The following CSMD2 variants were observed in gnomAD, a reference collection of about 807,000 sequenced individuals.
CSMD2 encodes CUB and Sushi multiple domains 2.
In CSMD2, 130 loss-of-function variants were observed where a neutral mutation model predicts 398.5. The observed-to-expected ratio is 0.33, with a 90% CI of 0.28 to 0.38. The LOEUF is 0.38. Among genes scored for constraint, CSMD2 ranks in the 10% least tolerant of loss-of-function variants. The pLI is 1.00. For synonymous variants in CSMD2, 1,828 were observed against 1,908.5 expected, an observed-to-expected ratio of 0.96 and a Z score of 1.10; for missense variants, 3,829 against 4,764.9, an observed-to-expected ratio of 0.80 and a Z score of 5.78.
intron 10 of CSMD2, among the ~76,000 whole-genome samples, chr1:33,810,498 G>A (rs1275942642): frequency 2.0e-5 from 3 of 152,014 alleles, no homozygotes; most frequent in Non-Finnish European, 4.4e-5. Flanking sequence ...CTAAGGTAAC[G>A]ATTTTCTTTT....
intron 7 of CSMD2, among the ~76,000 whole-genome samples, chr1:33,824,847 G>A (rs1055697082): frequency 2.0e-5 from 3 of 151,858 alleles, no homozygotes; most frequent in Non-Finnish European, 4.4e-5. Context: ...GGAAGGAGAA[G>A]GAAAACCAGG....
intron 25 of CSMD2, among the ~76,000 whole-genome samples, chr1:33,675,513 G>A (rs373724103): frequency 5.9e-5 from 9 of 152,240 alleles, no homozygotes; most frequent in South Asian, 4.2e-4. Context: ...ATTCACAGCC[G>A]AATTCTACCA....
chr1:34,040,190 CAA>C (rs61528553), intron 2 of CSMD2, among the ~76,000 whole-genome samples: 1 of 122,296 alleles, frequency 8.2e-6, no homozygotes, highest in Non-Finnish European at 1.7e-5. Context: ...GATCCTGACT[CAA>C]AAAAAAAATT....
intron 15 of CSMD2, among the ~76,000 whole-genome samples, chr1:33,734,640 C>A (rs1377525676): frequency 1.3e-5 from 2 of 151,904 alleles, no homozygotes; most frequent in Non-Finnish European, 2.9e-5. Context: ...CAAAAATTAG[C>A]CAGGCATGGT....
chr1:33,925,611 T>C (rs998666134), intron 4 of CSMD2, among the ~76,000 whole-genome samples: 12 of 152,200 alleles, frequency 7.9e-5, no homozygotes, highest in African/African-American at 2.7e-4. Context: ...ACAGATTACA[T>C]TGAATCTGTA....
intron 2 of CSMD2, among the ~76,000 whole-genome samples, chr1:34,087,659 A>AATAAG (rs1558363280): frequency 3.0e-5 from 4 of 134,318 alleles, no homozygotes; most frequent in African/African-American, 1.1e-4. Context: ...ATAATAATAA[A>AATAAG]GCCAGCACTC....
chr1:33,751,695 C>T (rs543216793), intron 13 of CSMD2, among the ~76,000 whole-genome samples: 5 of 152,282 alleles, frequency 3.3e-5, no homozygotes, highest in Middle Eastern at 3.4e-3. Flanking sequence ...AATCTTGGCT[C>T]ACCGTAACCT....
At chr1:33,534,649 C>T (rs1159589546) in intron 62 of CSMD2, among the ~76,000 whole-genome samples, 1 of 152,224 alleles carries the variant, frequency 6.6e-6, no homozygotes, top group Admixed American at 6.5e-5. Flanking sequence ...AGTTCAAACA[C>T]TTATGTGTCC....
intron 1 of CSMD2, among the ~76,000 whole-genome samples, chr1:34,122,527 C>T (rs1255889534): frequency 6.6e-6 from 1 of 152,130 alleles, no homozygotes; most frequent in East Asian, 1.9e-4. Flanking sequence ...GGTGAATTTC[C>T]TCTCTGGTGC....
At chr1:34,159,333 C>CT (rs1641100395) in intron 1 of CSMD2, among the ~76,000 whole-genome samples, 5 of 69,254 alleles carry the variant, frequency 7.2e-5, no homozygotes, top group African/African-American at 3.1e-4. Context: ...AGCCTGCCCC[C>CT]CCCCCACCCA....
chr1:33,665,471 T>C (rs1644279000), intron 25 of CSMD2, among the ~76,000 whole-genome samples: 1 of 145,066 alleles, frequency 6.9e-6, no homozygotes, highest in African/African-American at 2.5e-5. Flanking sequence ...TTTTTTTTTT[T>C]TTTTTTTTTT....
intron 10 of CSMD2, 117 bp from the exon 11 acceptor site, chr1:33,792,643 C>T: frequency 2.9e-6 from 2 of 695,100 alleles, no homozygotes; most frequent in Non-Finnish European, 5.2e-6. Flanking sequence ...ACTGGTGACA[C>T]CATCCTAAAC....
At chr1:33,580,222 C>T (rs574474609) in intron 48 of CSMD2, among the ~76,000 whole-genome samples, 24 of 152,320 alleles carry the variant, frequency 1.6e-4, no homozygotes, top group African/African-American at 2.4e-4. Context: ...ATCCCCATGA[C>T]GAGAGATCAG....
At chr1:33,681,694 G>A (rs1461156438) in intron 25 of CSMD2, among the ~76,000 whole-genome samples, 2 of 152,168 alleles carry the variant, frequency 1.3e-5, no homozygotes, top group Non-Finnish European at 2.9e-5. Context: ...GGCCAGGCAT[G>A]ATGGCTCATG....
rs1557640274 is a variant in CSMD2, at chr1:33,624,838, T to G, written c.5501-195A>C. 6.6e-6 allele frequency among the ~76,000 whole-genome samples: 1 copy of G among 152,014 alleles called. No individual in the cohort carries two copies. On this transcript the variant is annotated intron_variant, in intron 34 of 70. Transcript: ENST00000373381. This position sits in a 1 kb window ranked among gnomAD's most constrained non-coding sequence, Gnocchi z 4.7. ...TTCGGGGCCCTGGGCCCAGCTCCTC[T>G]CTCCACGTGTGCCCCGTCCCCAGTA...
chr1:33,540,416 T>G, intron 60 of CSMD2, 109 bp downstream of exon 60: 1 of 1,088,216 alleles, frequency 9.2e-7, no homozygotes, highest in Non-Finnish European at 1.3e-6. Flanking sequence ...CCTCCCTGGT[T>G]TTGGGGAGGG....
In CSMD2 at chr1:33,550,288, C is replaced by T. The variant is rs769051258; in HGVS notation, c.8806G>A (p.Val2936Met). ...CAGCTGTACCGCACCACTGCTCCCA[C>T]AGTATAACTGTCTCCAGACATCTGG... ...HSQMSGDSYT[V>M]GAVVRYSCIG... The change falls in exon 56 of 71, where the codon GTG becomes ATG. Residue 2936 changes from valine (V) to methionine (M), a missense_variant. Val to Met is a conservative substitution (Grantham distance 21, BLOSUM62 1). Around this residue, in one of 5 missense-constraint regions of CSMD2, gnomAD observed 917 missense variants for 1,199.5 expected, o/e 0.76. Transcript: ENST00000373381. 4 of 1,614,264 alleles carry T rather than the reference C, an allele frequency of 2.5e-6. No individual in the cohort carries two copies. The Admixed American group carries it at 6.7e-5, about 27-fold the overall frequency.
At chr1:34,083,926 C>T (rs139689173) in intron 2 of CSMD2, among the ~76,000 whole-genome samples, 3 of 151,868 alleles carry the variant, frequency 2.0e-5, no homozygotes, top group Non-Finnish European at 4.4e-5. Flanking sequence ...ATGCCTGATA[C>T]ACATTAAAGA....
At chr1:33,833,009 A>G (rs1250703135) in intron 6 of CSMD2, among the ~76,000 whole-genome samples, 1 of 150,016 alleles carries the variant, frequency 6.7e-6, no homozygotes, top group Non-Finnish European at 1.5e-5. Flanking sequence ...GCAATAATCA[A>G]TAGCTTACCA....
Sources: gnomAD v4.1 joint callset for allele counts (sites outside exome capture counted in the v4.1 genomes callset) on GRCh38, gnomAD v4.1.1 for gene constraint, gnomAD v4.1.1 regional missense constraint, Gnocchi (gnomAD v3.1) non-coding constraint, MANE v1.5 for transcripts, NCBI Gene and HGNC (gene_info 2026-07-23, HGNC 2026-07-21) for gene names.